Variants in CLASP2 observed in about 807,000 individuals in gnomAD.
The protein encoded by CLASP2 is CLIP-associating protein 2.
A neutral mutation model predicts 194.4 loss-of-function variants in CLASP2; 47 were observed. The observed-to-expected ratio is 0.24, with a 90% confidence interval of 0.19 to 0.31. The LOEUF (loss-of-function observed/expected upper bound fraction) is 0.31, where lower values mean the gene tolerates loss of function less well. Ranked by LOEUF, CLASP2 falls within the 10% of genes least tolerant of loss-of-function variation. CLASP2 has a pLI of 1.00. For synonymous variants in CLASP2, 619 were observed against 633.5 expected (o/e 0.98, Z 0.34); for missense variants, 1,445 against 1,823.6 (o/e 0.79, Z 3.78).
chr3:33,580,166 G>C (rs1172774076), intron 23 of CLASP2, among the ~76,000 whole-genome samples: 1 of 152,192 alleles, frequency 6.6e-6, no homozygotes, highest in African/African-American at 2.4e-5. Flanking sequence ...AACAAGGGTT[G>C]GGCATATTCC....
At chr3:33,552,792 T>C (rs1414907739) in intron 29 of CLASP2, among the ~76,000 whole-genome samples, 1 of 152,212 alleles carries the variant, frequency 6.6e-6, no homozygotes, top group Non-Finnish European at 1.5e-5. Flanking sequence ...ATGTTGTCTG[T>C]TAGATCTCTA....
intron 8 of CLASP2, among the ~76,000 whole-genome samples, chr3:33,636,409 T>C (rs1246780173): frequency 7.2e-5 from 11 of 151,854 alleles, no homozygotes; most frequent in Admixed American, 7.2e-4. Flanking sequence ...TTTCTGCTGA[T>C]AAAAGTAACT....
At chr3:33,710,379 A>G (rs2154357327) in intron 1 of CLASP2, among the ~76,000 whole-genome samples, 1 of 152,320 alleles carries the variant, frequency 6.6e-6, no homozygotes, top group East Asian at 1.9e-4. Flanking sequence ...CATAAAAATC[A>G]ATATACCAAA....
intron 12 of CLASP2, among the ~76,000 whole-genome samples, chr3:33,617,939 A>AT (rs2076465377): frequency 8.4e-6 from 1 of 118,982 alleles, no homozygotes; most frequent in African/African-American, 3.5e-5. Flanking sequence ...ATTATTATAT[A>AT]TATATATATA....
chr3:33,677,217 G>A (rs914477644), intron 6 of CLASP2, among the ~76,000 whole-genome samples: 14 of 152,084 alleles, frequency 9.2e-5, no homozygotes, highest in African/African-American at 3.1e-4. Context: ...TATACCCAAA[G>A]GACTATAAAT....
chr3:33,696,646 T>G (rs905033825), intron 2 of CLASP2, among the ~76,000 whole-genome samples: 2 of 152,012 alleles, frequency 1.3e-5, no homozygotes, highest in East Asian at 1.9e-4. Context: ...TTGTATTTTT[T>G]GTAGAGACAC....
chr3:33,623,328 G>T (rs976997210), intron 10 of CLASP2, among the ~76,000 whole-genome samples: 1 of 151,980 alleles, frequency 6.6e-6, no homozygotes, highest in Non-Finnish European at 1.5e-5. Context: ...GTTAACTACA[G>T]TCACCCTACT....
At position 33,554,399 on chromosome 3, in the gene CLASP2, C is replaced by T. The variant is rs9866336; in HGVS notation, c.3010-3004G>A. On this transcript the variant is annotated intron_variant, in intron 29 of 38. Transcript: ENST00000682230. ...AGGACAATACCGTAAGTGAAATAAG[C>T]CAGACATAGAAAGACAAATACTGTA... 5.1e-3 allele frequency among the ~76,000 whole-genome samples: 782 copies of T among 152,068 alleles called. 10 individuals are homozygous for T. The highest frequency in any genetic ancestry group is 0.018 in the African/African-American group (761 of 41,476).
intron 34 of CLASP2, among the ~76,000 whole-genome samples, chr3:33,518,232 A>G (rs1199240454): frequency 1.3e-5 from 2 of 152,228 alleles, no homozygotes; most frequent in Non-Finnish European, 2.9e-5. Flanking sequence ...TCTTTTTAAA[A>G]GCATAATTAC....
At chr3:33,627,949 A>T (rs2078343132) in intron 9 of CLASP2, among the ~76,000 whole-genome samples, 1 of 152,134 alleles carries the variant, frequency 6.6e-6, no homozygotes, top group East Asian at 1.9e-4. Flanking sequence ...AAAAGTATAA[A>T]GGGACTAGGA....
In CLASP2 at chr3:33,498,671, C is replaced by G. The variant is rs758234415; in HGVS notation, c.4481G>C (p.Gly1494Ala). ...LYIKRAQTGS[G>A]GADPTTDVSG... ...AACATCAGTAGTGGGATCAGCTCCT[C>G]CAGAACCTGTTTGTGCACGTTTGAT... Residue 1494 changes from glycine (G) to alanine (A), a missense_variant, in exon 39 of 39, where the codon GGA (glycine) becomes GCA (alanine). Gly to Ala is a moderately conservative substitution (Grantham distance 60). Coordinates refer to ENST00000682230, the MANE Select transcript of CLASP2 (RefSeq NM_001365631.1). 6.2e-7 allele frequency: 1 copy of G among 1,613,440 alleles called. No individual in the cohort carries two copies. Among genetic ancestry groups the G allele is most frequent in the East Asian group, 2.2e-5 (1 of 44,854 alleles).
intron 24 of CLASP2, among the ~76,000 whole-genome samples, chr3:33,575,713 GAT>G (rs1379166797): frequency 6.6e-6 from 1 of 151,868 alleles, no homozygotes; most frequent in Non-Finnish European, 1.5e-5. Flanking sequence ...CTAACTATAA[GAT>G]ATAATATATC....
rs1379754260 is a variant in CLASP2, at chr3:33,497,537, T to C, written c.*1094A>G. 3 of 152,600 alleles carry C rather than the reference T, an allele frequency of 2.0e-5. No individual in the cohort carries two copies. The highest frequency in any genetic ancestry group is 2.9e-5 in the Non-Finnish European group (2 of 68,030). 9.5% of individuals were successfully genotyped at this position (152,600 alleles called of 1,614,324 possible). On this transcript the variant is annotated 3_prime_UTR_variant, in exon 39 of 39. Transcript: ENST00000682230. ...TAGGCAGCAGCTCAGTTAAAAGTAT[T>C]AGCCCTGAAGAGGTAGAGAATTTGA...
chr3:33,607,356 G>T, intron 15 of CLASP2, 28 bp downstream of exon 15: 1 of 1,487,796 alleles, frequency 6.7e-7, no homozygotes, highest in Non-Finnish European at 9.1e-7. Context: ...AGATTAAACT[G>T]TCACAAAACT....
At chr3:33,671,278 C>T (rs1212254337) in intron 6 of CLASP2, among the ~76,000 whole-genome samples, 1 of 152,050 alleles carries the variant, frequency 6.6e-6, no homozygotes, top group Admixed American at 6.6e-5. Flanking sequence ...CAACACATTA[C>T]TAAAGGCCTG....
intron 6 of CLASP2, among the ~76,000 whole-genome samples, chr3:33,668,964 T>C (rs2154336685): frequency 6.6e-6 from 1 of 152,304 alleles, no homozygotes; most frequent in African/African-American, 2.4e-5. Flanking sequence ...AACATTAAAG[T>C]ATTAGCTACC....
chr3:33,585,554 T>C (rs1025102310), intron 21 of CLASP2, among the ~76,000 whole-genome samples: 13 of 152,322 alleles, frequency 8.5e-5, no homozygotes, highest in African/African-American at 2.9e-4. Flanking sequence ...AAAGGTACAG[T>C]AAAAATATAG....
chr3:33,504,258 G>T (rs1339180304), intron 37 of CLASP2: 1 of 152,196 alleles, frequency 6.6e-6, no homozygotes, highest in Non-Finnish European at 1.5e-5. Flanking sequence ...CATAGAGGAT[G>T]AACTTAAATC....
intron 10 of CLASP2, among the ~76,000 whole-genome samples, chr3:33,626,729 A>C (rs922201357): frequency 6.6e-6 from 1 of 151,108 alleles, no homozygotes; most frequent in African/African-American, 2.5e-5. Flanking sequence ...ACATTTTACT[A>C]ACCAGTCAAA....
Sources: allele counts gnomAD v4.1 joint callset (sites outside exome capture counted in the v4.1 genomes callset), GRCh38; gene constraint gnomAD v4.1.1; transcripts MANE v1.5; gene names NCBI Gene and HGNC (gene_info 2026-07-23, HGNC 2026-07-21).